The following ABCG1 variants were observed in gnomAD, a reference collection of about 807,000 sequenced individuals.
ABCG1 encodes ATP-binding cassette sub-family G member 1.
Under a neutral mutation model 69.2 loss-of-function variants are expected in ABCG1, and 29 were observed. The observed-to-expected ratio is 0.42, with a 90% CI of 0.31 to 0.57. The LOEUF is 0.57. Ranked by LOEUF, ABCG1 falls within the 20% of genes least tolerant of loss-of-function variation. ABCG1 has a pLI of 0.15. For missense variants in ABCG1, 718 were observed against 898.1 expected (o/e 0.80, Z 2.56); for synonymous variants, 370 against 374.8 (o/e 0.99, Z 0.15).
intron 3 of ABCG1, 145 bp downstream of exon 3, chr21:42,271,332 GC>G: frequency 2.0e-6 from 1 of 506,454 alleles, no homozygotes; most frequent in Non-Finnish European, 3.4e-6. Flanking sequence ...ACATTGAGAG[GC>G]TGCACTTGCC....
At chr21:42,233,159 C>T (rs1464974849) in intron 2 of ABCG1, among the ~76,000 whole-genome samples, 1 of 152,198 alleles carries the variant, frequency 6.6e-6, no homozygotes, top group African/African-American at 2.4e-5. Context: ...TGACCTGCAG[C>T]CAAGAGTTTC....
intron 1 of ABCG1, chr21:42,201,568 C>A (rs2067506509): frequency 2.6e-6 from 4 of 1,512,366 alleles, no homozygotes; most frequent in Non-Finnish European, 3.6e-6. Context: ...TTCTTCCACT[C>A]CACCACAGCG....
rs376013967 is a variant in ABCG1 at position 42,284,533 on chromosome 21, C to T, written c.735-27C>T. ...GTGGCTAGTTCCTGCCGCCCGCAGG[C>T]GTCTCACGGTGCCTCTTGACTTGCA... is the stretch of plus-strand genomic sequence containing the variant. On this transcript the variant is annotated intron_variant, in intron 6 of 14. Coordinates refer to ENST00000398449, the MANE Select transcript of ABCG1 (RefSeq NM_016818.3). 2.1e-4 allele frequency: 343 copies of T among 1,609,550 alleles called. 1 individual carries two copies. The African/African-American group carries it at 3.9e-3, about 18-fold the overall frequency.
chr21:42,242,405 C>T (rs529391893), intron 2 of ABCG1, among the ~76,000 whole-genome samples: 4 of 152,200 alleles, frequency 2.6e-5, no homozygotes, highest in East Asian at 3.9e-4. Flanking sequence ...GGAGGCTGAG[C>T]GGGGAGGGTT....
chr21:42,252,230 CA>C (rs1419476744), intron 2 of ABCG1, among the ~76,000 whole-genome samples: 13 of 152,210 alleles, frequency 8.5e-5, no homozygotes, highest in Non-Finnish European at 2.9e-5. Context: ...TCGTGGTTGC[CA>C]GCCAACTCCT....
chr21:42,275,807 G>T (rs1045472134), intron 4 of ABCG1, among the ~76,000 whole-genome samples: 9 of 152,250 alleles, frequency 5.9e-5, no homozygotes, highest in African/African-American at 2.2e-4. Context: ...TCAAGGTCCT[G>T]TCTCACACGG....
chr21:42,256,162 C>T (rs2068300341), intron 2 of ABCG1: 3 of 1,400,846 alleles, frequency 2.1e-6, no homozygotes, highest in African/African-American at 1.5e-5. Flanking sequence ...GCGTGATATA[C>T]CTCCCTTTTA....
chr21:42,226,629 T>C (rs2067821285), intron 2 of ABCG1, among the ~76,000 whole-genome samples: 1 of 152,188 alleles, frequency 6.6e-6, no homozygotes, highest in South Asian at 2.1e-4. Flanking sequence ...TGGGTTGGTG[T>C]GTTTTTTTCA....
At chr21:42,204,056 C>A (rs902379486) in intron 2 of ABCG1, among the ~76,000 whole-genome samples, 1 of 152,158 alleles carries the variant, frequency 6.6e-6, no homozygotes. Flanking sequence ...TGTTCATTGA[C>A]AGAGCATAGA....
chr21:42,252,814 C>T lies in ABCG1; in HGVS notation c.287-18256C>T, dbSNP rs796783014. Reference sequence around the variant, plus strand: ...AAGGTTTCCCCACTTGGATTTTAACCCCCATTGGCAGCAGGTTTAGGAAAG... The same window carrying T: ...AAGGTTTCCCCACTTGGATTTTAACTCCCATTGGCAGCAGGTTTAGGAAAG... On this transcript the variant is annotated intron_variant, in intron 2 of 14. Transcript: ENST00000398449. 4.6e-5 allele frequency among the ~76,000 whole-genome samples: 7 copies of T among 152,232 alleles called. No homozygotes were observed. In the South Asian group the frequency reaches 1.5e-3, roughly 32 times the overall value.
chr21:42,287,790 C>G lies in ABCG1; in HGVS notation c.974-99C>G, dbSNP rs760242815. On this transcript the variant is annotated intron_variant, in intron 8 of 14. Coordinates refer to ENST00000398449, the MANE Select transcript of ABCG1 (RefSeq NM_016818.3). This position sits in a 1 kb window ranked among gnomAD's most constrained non-coding sequence, Gnocchi z 6.2. Reference sequence around the variant, plus strand: ...CACCGCCACGCAGCATCTATGTAATCGCTTTAAAACATTCCCACTTGAATA... The same window carrying G: ...CACCGCCACGCAGCATCTATGTAATGGCTTTAAAACATTCCCACTTGAATA... The G allele has an allele frequency of 4.0e-6, 5 of 1,248,888 alleles. No individual in the cohort carries two copies. The highest frequency in any genetic ancestry group is 5.5e-6 in the Non-Finnish European group (5 of 904,464). The allele number at this position is 1,248,888 out of a possible 1,614,324, so 77.4% of individuals were successfully genotyped here.
chr21:42,285,459 T>C (rs552248140), intron 7 of ABCG1, among the ~76,000 whole-genome samples: 1 of 151,490 alleles, frequency 6.6e-6, no homozygotes, highest in South Asian at 2.1e-4. Flanking sequence ...TGAGCCAAGA[T>C]CGTGCCACTG....
intron 11 of ABCG1, among the ~76,000 whole-genome samples, 168 bp downstream of exon 11, chr21:42,290,386 G>A (rs1218025747): frequency 6.6e-6 from 1 of 152,082 alleles, no homozygotes; most frequent in African/African-American, 2.4e-5. Context: ...TGTATTTGCT[G>A]TTAGATAAGA....
At chr21:42,262,704 C>T (rs951785570) in intron 2 of ABCG1, among the ~76,000 whole-genome samples, 11 of 152,194 alleles carry the variant, frequency 7.2e-5, no homozygotes, top group African/African-American at 2.7e-4. Flanking sequence ...GTGCAAGAGC[C>T]GCCTCCGGGT....
intron 2 of ABCG1, among the ~76,000 whole-genome samples, chr21:42,265,697 C>T (rs1480910478): frequency 2.0e-5 from 3 of 152,174 alleles, no homozygotes; most frequent in African/African-American, 2.4e-5. Flanking sequence ...CACCACAGGG[C>T]GGCCTGACCA....
chr21:42,266,216 G>A lies in ABCG1; in HGVS notation c.287-4854G>A, dbSNP rs148538241. ...CTCAGGAGGCTGAGGCAGGAGAATC[G>A]CTTGAACCCAAGAGGCAGAGTTTGC... On this transcript the variant is annotated intron_variant, in intron 2 of 14. Coordinates refer to ENST00000398449, the MANE Select transcript of ABCG1 (RefSeq NM_016818.3). Among the ~76,000 whole-genome samples, 992 of 152,188 alleles carry A rather than the reference G, an allele frequency of 6.5e-3. 12 individuals carry two copies. Among genetic ancestry groups the A allele is most frequent in the African/African-American group, 0.022 (929 of 41,502 alleles).
upstream of ABCG1, among the ~76,000 whole-genome samples, chr21:42,214,650 G>A (rs965855073): frequency 2.0e-5 from 3 of 152,192 alleles, no homozygotes; most frequent in African/African-American, 7.2e-5. Context: ...ACTCACCACT[G>A]TCAGACAGGA....
At chr21:42,290,366 C>T in intron 11 of ABCG1, 148 bp downstream of exon 11, 2 of 894,380 alleles carry the variant, frequency 2.2e-6, no homozygotes, top group Non-Finnish European at 3.3e-6. Flanking sequence ...TTGACAGATG[C>T]AAGTTGTATT....
intron 2 of ABCG1, among the ~76,000 whole-genome samples, chr21:42,266,309 T>TAAATAAAATAAAATA (rs59850533): frequency 1.8e-3 from 278 of 150,824 alleles, no homozygotes; most frequent in African/African-American, 6.4e-3. Context: ...TCAAAATAAA[T>TAAATAAAATAAAATA]AAATAAAATA....
Sources: allele counts gnomAD v4.1 joint callset (sites outside exome capture counted in the v4.1 genomes callset), GRCh38; gene constraint gnomAD v4.1.1; non-coding constraint Gnocchi (gnomAD v3.1); transcripts MANE v1.5; gene names NCBI Gene and HGNC (gene_info 2026-07-23, HGNC 2026-07-21).